Variants in NEK8 observed in about 807,000 individuals in gnomAD.
The protein encoded by NEK8 is serine/threonine-protein kinase Nek8.
NEK8 carries 51 observed loss-of-function variants against 77.2 expected under a neutral mutation model. The ratio of observed to expected loss-of-function variants is 0.66; its 90% confidence interval spans 0.53 to 0.83. The LOEUF (loss-of-function observed/expected upper bound fraction) is 0.83, where lower values mean the gene tolerates loss of function less well. Among genes scored for constraint, NEK8 ranks in the 40% least tolerant of loss-of-function variants. The pLI is 0.00. For synonymous variants in NEK8, 365 were observed against 363.2 expected (o/e 1.00, Z -0.06); for missense variants, 787 against 909.2 (o/e 0.87, Z 1.73).
chr17:28,740,127 T>TA lies in NEK8; in HGVS notation c.1418-329dup, dbSNP rs1327985333. Among the ~76,000 whole-genome samples, 2 of 151,662 alleles carry TA rather than the reference T, an allele frequency of 1.3e-5. No homozygotes were observed. Among genetic ancestry groups the TA allele is most frequent in the African/African-American group, 2.4e-5 (1 of 41,250 alleles). ...GGTAAAACCCCGTCTCTACTAAAAA[T>TA]AAAAAAATTAGCTGGGCATGGTGGT... is the stretch of plus-strand genomic sequence containing the variant. On this transcript the variant is annotated intron_variant, in intron 10 of 14. Transcript: ENST00000268766. This position sits in a 1 kb window ranked among gnomAD's most constrained non-coding sequence, Gnocchi z 4.7.
At position 28,741,874 on chromosome 17, in the gene NEK8, G is replaced by C; in HGVS notation, c.2051-85G>C. ...TGGCCTAACAGGGTCCAGAATCCAG[G>C]GCCCAGTGGGAGTGGGAGGTGGGTG... On this transcript the variant is annotated intron_variant, in intron 14 of 14. Coordinates refer to ENST00000268766, the MANE Select transcript of NEK8 (RefSeq NM_178170.3). This position sits in a 1 kb window ranked among gnomAD's most constrained non-coding sequence, Gnocchi z 4.5. 1 of 1,417,358 alleles carries C rather than the reference G, an allele frequency of 7.1e-7. No individual in the cohort carries two copies. Among genetic ancestry groups the C allele is most frequent in the East Asian group, 2.3e-5 (1 of 44,010 alleles). 87.8% of individuals were successfully genotyped at this position (1,417,358 alleles called of 1,614,324 possible). A position where few individuals can be genotyped will look rare whatever the true frequency, so the allele number is the denominator to read the frequency against.
rs2034418322 is a variant in NEK8 at position 28,741,207 on chromosome 17, G to A, written c.1862G>A (p.Gly621Glu). The change falls in exon 13 of 15, where the codon GGG becomes GAG. Residue 621 changes from glycine to glutamate, a missense_variant. Physicochemically the swap from Gly to Glu is moderately conservative, Grantham distance 98. This residue lies in a region of NEK8 where 516 missense variants were observed against 544.0 expected (regional missense o/e 0.95). Transcript: ENST00000268766. This position sits in a 1 kb window ranked among gnomAD's most constrained non-coding sequence, Gnocchi z 4.5. ...EGIKMAMVAC[G>E]DAFTVAIGAE... Reference sequence around the variant, plus strand: ...ATCAAGATGGCAATGGTAGCCTGTGGGGATGCCTTCACTGTAGCTATTGGG... The same window carrying A: ...ATCAAGATGGCAATGGTAGCCTGTGAGGATGCCTTCACTGTAGCTATTGGG... 2 of 1,611,750 alleles carry A rather than the reference G, an allele frequency of 1.2e-6. No individual in the cohort carries two copies. The highest frequency in any genetic ancestry group is 1.7e-6 in the Non-Finnish European group (2 of 1,178,688).
At chr17:28,729,531 G>A (rs2034285423) in intron 1 of NEK8, among the ~76,000 whole-genome samples, 1 of 98,096 alleles carries the variant, frequency 1.0e-5, no homozygotes, top group African/African-American at 3.3e-5. Context: ...AAATTTTTTG[G>A]ATTTTTTTTT....
chr17:28,734,609 G>C (rs1365780426), intron 2 of NEK8, 163 bp from the exon 3 acceptor site: 1 of 629,820 alleles, frequency 1.6e-6, no homozygotes, highest in African/African-American at 1.8e-5. Context: ...GCTTGAACCC[G>C]GGAGGGGGGG....
In NEK8 at chr17:28,741,669, T is replaced by C; in HGVS notation, c.2050+98T>C. The C allele has an allele frequency of 7.3e-7, 1 of 1,365,054 alleles. No individual in the cohort carries two copies. The highest frequency in any genetic ancestry group is 1.4e-5 in the African/African-American group (1 of 70,286). The allele number at this position is 1,365,054 out of a possible 1,614,324, so 84.6% of individuals were successfully genotyped here. A position where few individuals can be genotyped will look rare whatever the true frequency, so the allele number is the denominator to read the frequency against. ...ACAGATGGCCACATCACCAAAAGCA[T>C]CTTTAGCCCCCAGATAAAAAAAGCA... On this transcript the variant is annotated intron_variant, in intron 14 of 14. Coordinates refer to ENST00000268766, the MANE Select transcript of NEK8 (RefSeq NM_178170.3). The surrounding 1 kb of genome is among the most constrained non-coding windows in gnomAD (Gnocchi z 4.5).
At chr17:28,734,553 A>G (rs1384226432) in intron 2 of NEK8, 4 of 585,140 alleles carry the variant, frequency 6.8e-6, no homozygotes, top group Non-Finnish European at 1.2e-5. Flanking sequence ...GTGTGGTGGC[A>G]GGCACCTGTA....
chr17:28,729,795 G>T (rs2034289461), intron 1 of NEK8, among the ~76,000 whole-genome samples: 2 of 152,052 alleles, frequency 1.3e-5, no homozygotes, highest in South Asian at 4.1e-4. Flanking sequence ...ATCCGCCCGC[G>T]CCGGCCTCCC....
At chr17:28,739,604 G>A (rs770456520) in intron 10 of NEK8, among the ~76,000 whole-genome samples, 5 of 151,994 alleles carry the variant, frequency 3.3e-5, no homozygotes, top group East Asian at 1.9e-4. Flanking sequence ...ACCCGCCACC[G>A]CGCCCAGCAA....
Position 28,742,097 on chromosome 17 carries a change from C to T in NEK8, c.*110C>T. 9.0e-7 allele frequency: 1 copy of T among 1,116,748 alleles called. No individual in the cohort carries two copies. Among genetic ancestry groups the T allele is most frequent in the South Asian group, 1.2e-5 (1 of 81,374 alleles). The allele number at this position is 1,116,748 out of a possible 1,614,324, so 69.2% of individuals were successfully genotyped here. A position where few individuals can be genotyped will look rare whatever the true frequency, so the allele number is the denominator to read the frequency against. ...GCAGCTGTCTCCTGGATTGTGTCAT[C>T]ATGGGGTATCAGGGCTGGCAAAACC... On this transcript the variant is annotated 3_prime_UTR_variant, in exon 15 of 15. Coordinates refer to ENST00000268766, the MANE Select transcript of NEK8 (RefSeq NM_178170.3).
intron 8 of NEK8, 140 bp from the exon 9 acceptor site, chr17:28,738,531 C>T (rs1370604222): frequency 1.2e-6 from 1 of 800,842 alleles, no homozygotes. Flanking sequence ...GGACTCATAT[C>T]CTTTTCTCTC....
At position 28,741,530 on chromosome 17, in the gene NEK8, C is replaced by T; in HGVS notation, c.2009C>T (p.Ser670Phe). Residue 670 changes from serine to phenylalanine, a missense_variant, in exon 14 of 15, where the codon TCC becomes TTC. This residue lies in a region of NEK8 where 516 missense variants were observed against 544.0 expected (regional missense o/e 0.95). Transcript: ENST00000268766. This position sits in a 1 kb window ranked among gnomAD's most constrained non-coding sequence, Gnocchi z 4.5. ...LDETHPYTVT[S>F]VSCCHGNTLL... ...GAGACACACCCTTACACGGTGACTT[C>T]CGTGTCCTGTTGCCATGGAAACACC... is the stretch of plus-strand genomic sequence containing the variant. The T allele has an allele frequency of 2.5e-6, 4 of 1,614,176 alleles. No individual in the cohort carries two copies. Among genetic ancestry groups the T allele is most frequent in the Non-Finnish European group, 3.4e-6 (4 of 1,180,028 alleles).
chr17:28,735,064 C>T (rs1383450871), intron 3 of NEK8, 60 bp downstream of exon 3: 2 of 1,507,686 alleles, frequency 1.3e-6, no homozygotes, highest in African/African-American at 1.4e-5. Context: ...AGGACCTAAC[C>T]CTGCCTCCTC....
In NEK8 at chr17:28,741,300, C is replaced by G; in HGVS notation, c.1891+64C>G. On this transcript the variant is annotated intron_variant, in intron 13 of 14. Transcript: ENST00000268766. The surrounding 1 kb of genome is among the most constrained non-coding windows in gnomAD (Gnocchi z 4.5). ...GCAGTGGGGGGTGGGGGTTGCTATT[C>G]AGGGCCACTGGACTCTGGAGCCTCC... The G allele has an allele frequency of 6.3e-7, 1 of 1,594,774 alleles. No homozygotes were observed. The highest frequency in any genetic ancestry group is 2.2e-5 in the East Asian group (1 of 44,546).
At chr17:28,735,199 T>G (rs1597805633) in intron 3 of NEK8, 41 bp from the exon 4 acceptor site, 2 of 1,613,000 alleles carry the variant, frequency 1.2e-6, no homozygotes, top group East Asian at 4.5e-5. Context: ...CCCCTGGTCT[T>G]CCCTCCCTGC....
chr17:28,743,102 A>C lies in NEK8; in HGVS notation c.*1115A>C, dbSNP rs969692313. The C allele has an allele frequency of 6.8e-6, 1 of 146,794 alleles. No homozygotes were observed. The allele number at this position is 146,794 out of a possible 1,614,324, so 9.1% of individuals were successfully genotyped here. ...AAAAAAAAAAAAAAAAAAAAAAAAA[A>C]GTATTTGGTGCTTACCGGGACTCTA... On this transcript the variant is annotated 3_prime_UTR_variant, in exon 15 of 15. Coordinates refer to ENST00000268766, the MANE Select transcript of NEK8 (RefSeq NM_178170.3).
chr17:28,736,689 G>T (rs1186389937), intron 4 of NEK8, among the ~76,000 whole-genome samples: 1 of 152,184 alleles, frequency 6.6e-6, no homozygotes, highest in Non-Finnish European at 1.5e-5. Flanking sequence ...CAGATGAGTA[G>T]ATTGCAAAAA....
chr17:28,739,860 G>T (rs1341398948), intron 10 of NEK8, among the ~76,000 whole-genome samples: 1 of 152,220 alleles, frequency 6.6e-6, no homozygotes, highest in Non-Finnish European at 1.5e-5. Context: ...AGTCTAGTGG[G>T]AGAAAGATGA....
At chr17:28,738,947 A>C in intron 9 of NEK8, 137 bp from the exon 10 acceptor site, 2 of 851,686 alleles carry the variant, frequency 2.3e-6, no homozygotes, top group Admixed American at 1.7e-5. Flanking sequence ...CCCACCTGGC[A>C]GTGTGTATGG....
At chr17:28,735,117 G>A in intron 3 of NEK8, 113 bp downstream of exon 3, 1 of 1,541,860 alleles carries the variant, frequency 6.5e-7, no homozygotes, top group Non-Finnish European at 8.9e-7. Flanking sequence ...CCCTGTTTGG[G>A]TGGTTCTGCA....
Sources: allele counts gnomAD v4.1 joint callset (sites outside exome capture counted in the v4.1 genomes callset), GRCh38; gene constraint gnomAD v4.1.1; regional missense constraint gnomAD v4.1.1; non-coding constraint Gnocchi (gnomAD v3.1); transcripts MANE v1.5; gene names NCBI Gene and HGNC (gene_info 2026-07-23, HGNC 2026-07-21).